The following ARHGEF38 variants were observed in gnomAD, a reference collection of about 807,000 sequenced individuals.
The protein encoded by ARHGEF38 is Rho guanine nucleotide exchange factor (GEF) 38.
Under a neutral mutation model 79.9 loss-of-function variants are expected in ARHGEF38, and 79 were observed. The observed-to-expected ratio is 0.99, with a 90% confidence interval of 0.82 to 1.19. The LOEUF is 1.19. ARHGEF38 is among the 50% of genes most tolerant of loss of function. ARHGEF38 has a pLI of 0.00. For missense variants in ARHGEF38, 962 were observed against 907.2 expected (o/e 1.06, Z -0.78); for synonymous variants, 366 against 328.3 (o/e 1.11, Z -1.24).
At chr4:105,660,238 G>C (rs913345589) in intron 10 of ARHGEF38, among the ~76,000 whole-genome samples, 1 of 151,950 alleles carries the variant, frequency 6.6e-6, no homozygotes, top group South Asian at 2.1e-4. Flanking sequence ...CATCCCATTC[G>C]CCACTCTCAT....
At chr4:105,676,962 GT>G (rs1320596126) in intron 13 of ARHGEF38, among the ~76,000 whole-genome samples, 1 of 149,780 alleles carries the variant, frequency 6.7e-6, no homozygotes, top group East Asian at 1.9e-4. Context: ...GTTGTTTTGT[GT>G]TTTTTCTTTT....
intron 1 of ARHGEF38, among the ~76,000 whole-genome samples, chr4:105,577,075 C>A (rs1560696256): frequency 1.7e-5 from 2 of 115,872 alleles, no homozygotes; most frequent in South Asian, 3.5e-4. Context: ...TTGTAGCTTT[C>A]TTTTTTTTTA....
At chr4:105,590,073 A>AGG (rs1174290987) in intron 2 of ARHGEF38, among the ~76,000 whole-genome samples, 19 of 126,914 alleles carry the variant, frequency 1.5e-4, no homozygotes, top group Admixed American at 4.8e-4. Context: ...AAAAGAAAGA[A>AGG]AGAAGGAAGG....
At chr4:105,553,868 G>A (rs536657694) in intron 1 of ARHGEF38, among the ~76,000 whole-genome samples, 2 of 152,188 alleles carry the variant, frequency 1.3e-5, no homozygotes, top group East Asian at 1.9e-4. Context: ...GTGAGCTGTC[G>A]TTTTGGATTT....
At chr4:105,597,110 T>C (rs1309308469) in intron 2 of ARHGEF38, among the ~76,000 whole-genome samples, 3 of 152,154 alleles carry the variant, frequency 2.0e-5, no homozygotes, top group African/African-American at 4.8e-5. Context: ...GCTACTTTCA[T>C]TGAGCAGAGG....
chr4:105,590,173 G>T (rs1727272206), intron 2 of ARHGEF38, among the ~76,000 whole-genome samples: 1 of 151,102 alleles, frequency 6.6e-6, no homozygotes, highest in African/African-American at 2.5e-5. Flanking sequence ...AGAGAGAGAT[G>T]GGGACAAACG....
At position 105,667,617 on chromosome 4, in the gene ARHGEF38, G is replaced by A; in HGVS notation, c.2062G>A (p.Asp688Asn). The change falls in exon 13 of 14, where the codon GAT becomes AAT. Residue 688 changes from aspartate (D) to asparagine (N), a missense_variant. Coordinates refer to ENST00000420470, the MANE Select transcript of ARHGEF38 (RefSeq NM_001242729.2). ...AGGCACCTCAGAAAGCAGCATTGGT[G>A]ATAGCAGCTCATCTCTTAGTGGCAC... ...VTGTSESSIG[D>N]SSSSLSGTCG... 1 of 1,536,684 alleles carries A rather than the reference G, an allele frequency of 6.5e-7. No homozygotes were observed. The highest frequency in any genetic ancestry group is 1.4e-5 in the African/African-American group (1 of 73,166).
chr4:105,655,850 G>C, intron 9 of ARHGEF38, 128 bp downstream of exon 9: 1 of 1,053,538 alleles, frequency 9.5e-7, no homozygotes, highest in Non-Finnish European at 1.3e-6. Flanking sequence ...GTCAAAATTA[G>C]TAGATTTAAA....
chr4:105,575,838 T>C (rs966256961), intron 1 of ARHGEF38, among the ~76,000 whole-genome samples: 2 of 152,152 alleles, frequency 1.3e-5, no homozygotes, highest in Non-Finnish European at 2.9e-5. Context: ...AGGTGAGAGA[T>C]AGGGATCCAG....
intron 1 of ARHGEF38, chr4:105,561,536 A>C (rs925349371): frequency 6.7e-6 from 1 of 148,904 alleles, no homozygotes; most frequent in African/African-American, 2.5e-5. Context: ...AATAGAATAG[A>C]ATAGAAAAGT....
chr4:105,667,948 T>TA (rs1481834217), intron 13 of ARHGEF38, among the ~76,000 whole-genome samples: 5 of 152,166 alleles, frequency 3.3e-5, no homozygotes, highest in African/African-American at 1.2e-4. Context: ...AGACACACAA[T>TA]AAATGGGAGC....
rs1384665527 is a variant in ARHGEF38, at chr4:105,679,105, G to A, written c.*1168G>A. 5 of 576,626 alleles carry A rather than the reference G, an allele frequency of 8.7e-6. No individual in the cohort carries two copies. The highest frequency in any genetic ancestry group is 6.6e-5 in the South Asian group (2 of 30,176). 35.7% of individuals were successfully genotyped at this position (576,626 alleles called of 1,614,324 possible). On this transcript the variant is annotated 3_prime_UTR_variant, in exon 14 of 14. Coordinates refer to ENST00000420470, the MANE Select transcript of ARHGEF38 (RefSeq NM_001242729.2). Reference sequence around the variant, plus strand: ...TCTTGATCTATTTCTGTTCCACTTCGTCTTCTACCATCTTGCCGACTTTCC... The same window carrying A: ...TCTTGATCTATTTCTGTTCCACTTCATCTTCTACCATCTTGCCGACTTTCC...
chr4:105,570,438 G>A (rs981924365), intron 1 of ARHGEF38, among the ~76,000 whole-genome samples: 1 of 152,140 alleles, frequency 6.6e-6, no homozygotes, highest in African/African-American at 2.4e-5. Context: ...CTGAGACTGG[G>A]TAATTTATAA....
chr4:105,563,634 T>C (rs975921298), intron 1 of ARHGEF38, among the ~76,000 whole-genome samples: 2 of 150,550 alleles, frequency 1.3e-5, no homozygotes, highest in Non-Finnish European at 3.0e-5. Context: ...TCAGGGCTTT[T>C]TCAACCATCA....
chr4:105,632,143 A>G (rs1347339434), intron 4 of ARHGEF38, among the ~76,000 whole-genome samples: 2 of 152,190 alleles, frequency 1.3e-5, no homozygotes, highest in African/African-American at 4.8e-5. Flanking sequence ...TGGGTCTGAA[A>G]GTGAGTTTAA....
chr4:105,629,495 C>A (rs1272197600), intron 3 of ARHGEF38, among the ~76,000 whole-genome samples: 1 of 151,796 alleles, frequency 6.6e-6, no homozygotes, highest in African/African-American at 2.4e-5. Context: ...TGACTTACTC[C>A]TGTTAACTAT....
At chr4:105,666,823 G>A (rs956607574) in intron 11 of ARHGEF38, among the ~76,000 whole-genome samples, 2 of 152,150 alleles carry the variant, frequency 1.3e-5, no homozygotes, top group Non-Finnish European at 2.9e-5. Context: ...CGGGTTGTCT[G>A]CAGAATGGCA....
chr4:105,677,659 T>C, intron 13 of ARHGEF38, 93 bp from the exon 14 acceptor site: 1 of 1,206,336 alleles, frequency 8.3e-7, no homozygotes, highest in Non-Finnish European at 1.1e-6. Context: ...CAAAAAAACT[T>C]TAGCATTGCT....
intron 2 of ARHGEF38, among the ~76,000 whole-genome samples, chr4:105,607,581 T>C (rs2110484166): frequency 6.6e-6 from 1 of 152,126 alleles, no homozygotes; most frequent in South Asian, 2.1e-4. Context: ...TTCTGATAAA[T>C]AGAATAGAAT....
Sources: allele counts gnomAD v4.1 joint callset (sites outside exome capture counted in the v4.1 genomes callset), GRCh38; gene constraint gnomAD v4.1.1; transcripts MANE v1.5; gene names NCBI Gene and HGNC (gene_info 2026-07-23, HGNC 2026-07-21).